FKBP14: variants seen among roughly 807,000 people sequenced by gnomAD.
FKBP14 encodes peptidyl-prolyl cis-trans isomerase FKBP14.
In FKBP14, 20 loss-of-function variants were observed where a neutral mutation model predicts 21.6. That is an observed-to-expected ratio of 0.92 (90% CI 0.65 to 1.34). FKBP14 has a LOEUF of 1.34. FKBP14 is among the 40% of genes most tolerant of loss of function. The probability of loss-of-function intolerance (pLI) is 0.00; values close to 1 mark genes in which losing one functional copy is unlikely to be tolerated. For synonymous variants in FKBP14, 79 were observed against 86.7 expected (o/e 0.91, Z 0.49); for missense variants, 253 against 249.0 (o/e 1.02, Z -0.11).
chr7:30,024,628 C>T lies in FKBP14; in HGVS notation c.197+1684G>A, dbSNP rs1373233049. ...GGCCAGGATGGTCTCAAACTCCTGACCTCGCGATCTGCCTGCCTCGGCCTC... is the reference window on the plus strand; with the variant it reads ...GGCCAGGATGGTCTCAAACTCCTGATCTCGCGATCTGCCTGCCTCGGCCTC... On this transcript the variant is annotated intron_variant, in intron 1 of 3. Coordinates refer to ENST00000222803, the MANE Select transcript of FKBP14 (RefSeq NM_017946.4). 3.9e-5 allele frequency among the ~76,000 whole-genome samples: 6 copies of T among 152,298 alleles called. 1 individual carries two copies. The Middle Eastern group carries it at 0.017, about 432-fold the overall frequency.
At chr7:30,015,059 T>C (rs1423082798) in intron 3 of FKBP14, among the ~76,000 whole-genome samples, 166 bp from the exon 4 acceptor site, 3 of 152,142 alleles carry the variant, frequency 2.0e-5, no homozygotes, top group Non-Finnish European at 4.4e-5. Context: ...TAAAAAATAA[T>C]AGAAACTTTT....
Position 30,022,810 on chromosome 7 carries a change from T to G in FKBP14, c.204A>C (p.Lys68Asn). ...KDGSLFHSTH[K>N]HNNGQPIWFT... Reference sequence around the variant, plus strand: ...ACCAAATGGGCTGACCATTGTTATGTTTGTGACTATGATAGAAATAAAACA... The same window carrying G: ...ACCAAATGGGCTGACCATTGTTATGGTTGTGACTATGATAGAAATAAAACA... Residue 68 changes from lysine to asparagine, a missense_variant, in exon 2 of 4, where the codon AAA (lysine) becomes AAC (asparagine). Transcript: ENST00000222803. 6.2e-7 allele frequency: 1 copy of G among 1,612,116 alleles called. No homozygotes were observed. The highest frequency in any genetic ancestry group is 8.5e-7 in the Non-Finnish European group (1 of 1,179,468).
intron 2 of FKBP14, among the ~76,000 whole-genome samples, chr7:30,020,973 C>T (rs1790016362): frequency 6.6e-6 from 1 of 152,144 alleles, no homozygotes; most frequent in African/African-American, 2.4e-5. Context: ...CATCTATTTT[C>T]CTTCTCAGGA....
chr7:30,016,940 C>A (rs983937298), intron 3 of FKBP14, among the ~76,000 whole-genome samples: 1 of 151,832 alleles, frequency 6.6e-6, no homozygotes, highest in Non-Finnish European at 1.5e-5. Flanking sequence ...GGGAGAGATC[C>A]ATTAATCCAT....
Position 30,013,103 on chromosome 7 carries a change from TAA to T in FKBP14, c.*1630_*1631del, listed in dbSNP as rs2127946013. 6.6e-6 allele frequency: 1 copy of T among 152,138 alleles called. No homozygotes were observed. The highest frequency in any genetic ancestry group is 2.4e-5 in the African/African-American group (1 of 41,508). 9.4% of individuals were successfully genotyped at this position (152,138 alleles called of 1,614,324 possible). On this transcript the variant is annotated 3_prime_UTR_variant, in exon 4 of 4. Coordinates refer to ENST00000222803, the MANE Select transcript of FKBP14 (RefSeq NM_017946.4). ...GCACTTAATATCATTTTGTACACTA[TAA>T]AGGGCTACTCTTAGAAAATGAAGAT...
downstream of FKBP14, among the ~76,000 whole-genome samples, chr7:30,007,011 C>T (rs1210488756): frequency 6.6e-6 from 1 of 152,180 alleles, no homozygotes; most frequent in African/African-American, 2.4e-5. Context: ...CTGTCTTGTT[C>T]GCTGTGCCAC....
At chr7:30,006,475 T>C (rs1369496437), downstream of FKBP14, among the ~76,000 whole-genome samples, 1 of 151,892 alleles carries the variant, frequency 6.6e-6, no homozygotes, top group Non-Finnish European at 1.5e-5. Flanking sequence ...AACATTCTTC[T>C]ACAGGGGTGT....
chr7:30,021,307 T>C (rs182897583), intron 2 of FKBP14, among the ~76,000 whole-genome samples: 1 of 152,294 alleles, frequency 6.6e-6, no homozygotes, highest in Admixed American at 6.5e-5. Context: ...TTTTCTACTT[T>C]TATATATAAT....
chr7:30,020,466 C>A (rs550031416), intron 2 of FKBP14, among the ~76,000 whole-genome samples: 3 of 152,178 alleles, frequency 2.0e-5, no homozygotes, highest in Non-Finnish European at 4.4e-5. Flanking sequence ...GTAGTCCCCA[C>A]TGGGATATGT....
intron 3 of FKBP14, among the ~76,000 whole-genome samples, chr7:30,017,523 C>T (rs906693161): frequency 2.0e-5 from 3 of 151,420 alleles, no homozygotes; most frequent in Non-Finnish European, 2.9e-5. Context: ...GAGCTGAGAT[C>T]GCACCACTGC....
intron 2 of FKBP14, 31 bp from the exon 3 acceptor site, chr7:30,019,154 A>T: frequency 1.3e-6 from 2 of 1,550,344 alleles, no homozygotes; most frequent in Non-Finnish European, 1.7e-6. Context: ...AGAAAGTTTT[A>T]AAAGAGCCAA....
At chr7:30,010,086 A>G (rs1207321083), downstream of FKBP14, among the ~76,000 whole-genome samples, 1 of 152,230 alleles carries the variant, frequency 6.6e-6, no homozygotes, top group African/African-American at 2.4e-5. Flanking sequence ...ATTCATTTCC[A>G]TAAGGAAAGA....
At chr7:30,006,480 G>A (rs1436273978), downstream of FKBP14, among the ~76,000 whole-genome samples, 1 of 151,560 alleles carries the variant, frequency 6.6e-6, no homozygotes, top group Non-Finnish European at 1.5e-5. Flanking sequence ...TCTTCTACAG[G>A]GGTGTGTTGC....
At chr7:30,020,473 A>C (rs764394709) in intron 2 of FKBP14, among the ~76,000 whole-genome samples, 1 of 152,222 alleles carries the variant, frequency 6.6e-6, no homozygotes, top group Non-Finnish European at 1.5e-5. Flanking sequence ...CCACTGGGAT[A>C]TGTCCCAAGA....
chr7:30,007,658 G>A (rs1789641182), downstream of FKBP14, among the ~76,000 whole-genome samples: 1 of 152,188 alleles, frequency 6.6e-6, no homozygotes, highest in South Asian at 2.1e-4. Context: ...AAATATAGGA[G>A]ACTGTATTTA....
rs1299963202 is a variant in FKBP14 at position 30,014,149 on chromosome 7, C to T, written c.*586G>A. On this transcript the variant is annotated 3_prime_UTR_variant, in exon 4 of 4. Transcript: ENST00000222803. Reference sequence around the variant, plus strand: ...AAGTGCTGGGATTACAGGCATGAGCCACCATGCCTGGCTATTAACCTTGTT... The same window carrying T: ...AAGTGCTGGGATTACAGGCATGAGCTACCATGCCTGGCTATTAACCTTGTT... 1 of 152,296 alleles carries T rather than the reference C, an allele frequency of 6.6e-6. No individual in the cohort carries two copies. The highest frequency in any genetic ancestry group is 2.4e-5 in the African/African-American group (1 of 41,446). 9.4% of individuals were successfully genotyped at this position (152,296 alleles called of 1,614,324 possible).
downstream of FKBP14, among the ~76,000 whole-genome samples, chr7:30,007,869 T>G (rs1157623392): frequency 6.6e-6 from 1 of 151,986 alleles, no homozygotes; most frequent in African/African-American, 2.4e-5. Context: ...GCCAACATGG[T>G]GAAACCTGGA....
At position 30,014,993 on chromosome 7, in the gene FKBP14, TAACTA is replaced by T. The variant is rs1789843034; in HGVS notation, c.478-105_478-101del. On this transcript the variant is annotated intron_variant, in intron 3 of 3. Transcript: ENST00000222803. ...TGGACTGTTATTATATTTAGTTCAT[TAACTA>T]AATATAATACCTTCTAAACAGCCAT... 3.6e-5 allele frequency: 23 copies of T among 631,812 alleles called. No homozygotes were observed. In the South Asian group the frequency reaches 7.2e-4, roughly 20 times the overall value. 39.1% of individuals were successfully genotyped at this position (631,812 alleles called of 1,614,324 possible).
chr7:30,016,627 CAG>C (rs1218074894), intron 3 of FKBP14, among the ~76,000 whole-genome samples: 20 of 152,262 alleles, frequency 1.3e-4, no homozygotes, highest in Admixed American at 5.9e-4. Context: ...CTCCTGACCT[CAG>C]AAGATTTGCC....
Sources: allele counts gnomAD v4.1 joint callset (sites outside exome capture counted in the v4.1 genomes callset), GRCh38; gene constraint gnomAD v4.1.1; transcripts MANE v1.5; gene names NCBI Gene and HGNC (gene_info 2026-07-23, HGNC 2026-07-21).